Variants in AKAP14 observed in about 807,000 individuals in gnomAD.
The protein encoded by AKAP14 is A-kinase anchor protein 14.
A neutral mutation model predicts 17.0 loss-of-function variants in AKAP14; 4 were observed. That is an observed-to-expected ratio of 0.23 (90% CI 0.12 to 0.54). AKAP14 has a LOEUF of 0.54. AKAP14 is among the 20% of genes least tolerant of loss of function. The probability of loss-of-function intolerance (pLI) is 0.95; values close to 1 mark genes in which losing one functional copy is unlikely to be tolerated. For missense variants in AKAP14, 129 were observed against 150.9 expected (o/e 0.85, Z 0.76); for synonymous variants, 42 against 51.3 (o/e 0.82, Z 0.77).
In AKAP14 at chrX:119,914,869, C is replaced by G. The variant is rs767647574; in HGVS notation, c.432C>G (p.Thr144=). Residue 144 remains threonine, a synonymous_variant, in exon 5 of 7, where the codon ACC becomes ACG. Coordinates refer to ENST00000371431, the MANE Select transcript of AKAP14 (RefSeq NM_178813.6). ...ACTTCACCATGAAGGTCTCCAAAAC[C>G]AAACCACCGGTAAGTTCTTCTTTTT... ...GTYFTMKVSK[T]KPPDAPIVVS... 1.3e-5 allele frequency: 16 copies of G among 1,206,444 alleles called. 1 individual carries two copies. The South Asian group carries it at 2.8e-4, about 21-fold the overall frequency.
intron 4 of AKAP14, among the ~76,000 whole-genome samples, chrX:119,908,752 C>A (rs1461563704): frequency 2.7e-5 from 3 of 111,966 alleles, no homozygotes; most frequent in Non-Finnish European, 3.8e-5. Context: ...GTATATGAAG[C>A]AGTATCATGT....
At chrX:119,911,908 A>G (rs1368578156) in intron 4 of AKAP14, among the ~76,000 whole-genome samples, 2 of 105,999 alleles carry the variant, frequency 1.9e-5, no homozygotes, top group Admixed American at 1.0e-4. Flanking sequence ...TTGGCAGGCA[A>G]TGGGGGAGCT....
Position 119,920,660 on chromosome X carries a change from C to A in AKAP14, c.*53C>A. The A allele has an allele frequency of 1.1e-6, 1 of 878,260 alleles. No individual in the cohort carries two copies. The highest frequency in any genetic ancestry group is 1.6e-6 in the Non-Finnish European group (1 of 618,419). The allele number at this position is 878,260 out of a possible 1,213,427, so 72.4% of individuals were successfully genotyped here. Reference sequence around the variant, plus strand: ...TTCTCATCAGGATACATTAAAAATACAATACAGCACGTCAAACCACAGAAT... The same window carrying A: ...TTCTCATCAGGATACATTAAAAATAAAATACAGCACGTCAAACCACAGAAT... On this transcript the variant is annotated 3_prime_UTR_variant, in exon 7 of 7. Transcript: ENST00000371431.
chrX:119,898,400 C>G (rs2056543652), intron 2 of AKAP14, among the ~76,000 whole-genome samples: 1 of 112,442 alleles, frequency 8.9e-6, no homozygotes, highest in South Asian at 3.6e-4. Context: ...CAAAGGCTGT[C>G]CCAGTGGTTC....
At chrX:119,897,102 G>A (rs190134495) in intron 2 of AKAP14, among the ~76,000 whole-genome samples, 5 of 109,713 alleles carry the variant, frequency 4.6e-5, no homozygotes, top group African/African-American at 1.7e-4. Context: ...GAGCCACCGC[G>A]CCCGGCCCCA....
chrX:119,913,095 C>T (rs761810686), intron 4 of AKAP14, among the ~76,000 whole-genome samples: 1 of 104,071 alleles, frequency 9.6e-6, no homozygotes, highest in Admixed American at 1.1e-4. Context: ...CAAGGCCAGC[C>T]TGGACAACAT....
intron 4 of AKAP14, among the ~76,000 whole-genome samples, chrX:119,910,929 T>C (rs1228724630): frequency 9.2e-6 from 1 of 108,801 alleles, no homozygotes; most frequent in East Asian, 3.0e-4. Flanking sequence ...CCCAAAGTGC[T>C]GGGATTACAG....
At chrX:119,916,610 G>GC (rs1188386654) in intron 5 of AKAP14, among the ~76,000 whole-genome samples, 1 of 103,194 alleles carries the variant, frequency 9.7e-6, no homozygotes, top group African/African-American at 3.5e-5. Flanking sequence ...TCCTGCCTCA[G>GC]CCCCCCAAGT....
chrX:119,900,989 G>A (rs894688677), intron 2 of AKAP14, among the ~76,000 whole-genome samples: 4 of 112,435 alleles, frequency 3.6e-5, no homozygotes, highest in African/African-American at 1.3e-4. Context: ...CTGTGATGGA[G>A]CCATCTTTAC....
intron 6 of AKAP14, 132 bp from the exon 7 acceptor site, chrX:119,920,376 C>T (rs2056682255): frequency 2.1e-6 from 1 of 476,269 alleles, no homozygotes; most frequent in South Asian, 3.5e-5. Context: ...GCTACCTCCC[C>T]TCCCCCGCCA....
chrX:119,918,054 C>T (rs1191448679), intron 5 of AKAP14, among the ~76,000 whole-genome samples: 2 of 111,803 alleles, frequency 1.8e-5, no homozygotes, highest in South Asian at 7.5e-4. Context: ...TGCTTCTCCT[C>T]AAATAAGTCA....
intron 4 of AKAP14, 83 bp from the exon 5 acceptor site, chrX:119,914,616 C>T: frequency 1.0e-6 from 1 of 989,444 alleles, no homozygotes; most frequent in East Asian, 3.2e-5. Context: ...AGCCACTGCA[C>T]CCAGCCATGC....
At chrX:119,899,658 C>A (rs1456657145) in intron 2 of AKAP14, among the ~76,000 whole-genome samples, 1 of 111,334 alleles carries the variant, frequency 9.0e-6, no homozygotes, top group African/African-American at 3.3e-5. Flanking sequence ...TGTGTGGAAC[C>A]CCCTAGAAGC....
At chrX:119,896,427 A>C in intron 2 of AKAP14, among the ~76,000 whole-genome samples, 160 bp downstream of exon 2, 3 of 37,310 alleles carry the variant, frequency 8.0e-5, no homozygotes, top group East Asian at 1.2e-3. Context: ...AGGGGAGGGG[A>C]GGGGAGGGGA....
intron 2 of AKAP14, among the ~76,000 whole-genome samples, chrX:119,898,125 C>T (rs1329442557): frequency 2.7e-5 from 3 of 110,610 alleles, no homozygotes; most frequent in Non-Finnish European, 1.9e-5. Context: ...ATTGCGCCAC[C>T]GCACTCCAGC....
chrX:119,918,245 T>TTTTG (rs1569470471), intron 5 of AKAP14, among the ~76,000 whole-genome samples: 6 of 110,748 alleles, frequency 5.4e-5, no homozygotes, highest in East Asian at 2.8e-4. Context: ...GTTTTGTTTT[T>TTTTG]TTTTTAGATG....
rs184362118 is a variant in AKAP14, at chrX:119,920,367, C to G, written c.495-141C>G. On this transcript the variant is annotated intron_variant, in intron 6 of 6. Transcript: ENST00000371431. ...AAAGGATAGACATAGAGAACCTTAG[C>G]TACCTCCCCTCCCCCGCCAATAAAA... is the stretch of plus-strand genomic sequence containing the variant. The G allele has an allele frequency of 1.1e-5, 5 of 448,226 alleles. No homozygotes were observed. In the South Asian group the frequency reaches 1.5e-4, roughly 13 times the overall value. The allele number at this position is 448,226 out of a possible 1,213,427, so 36.9% of individuals were successfully genotyped here.
chrX:119,916,477 T>TATC (rs1230681201), intron 5 of AKAP14, among the ~76,000 whole-genome samples: 3 of 105,076 alleles, frequency 2.9e-5, no homozygotes, highest in Admixed American at 1.0e-4. Flanking sequence ...TCTATCTATC[T>TATC]ATCTATCATC....
intron 5 of AKAP14, 75 bp from the exon 6 acceptor site, chrX:119,919,836 A>G (rs967480137): frequency 3.9e-5 from 42 of 1,076,140 alleles, no homozygotes; most frequent in African/African-American, 5.5e-5. Flanking sequence ...ACAGAGCAAG[A>G]AGACTCCATC....
Sources: allele counts gnomAD v4.1 joint callset (sites outside exome capture counted in the v4.1 genomes callset), GRCh38; gene constraint gnomAD v4.1.1; transcripts MANE v1.5; gene names NCBI Gene and HGNC (gene_info 2026-07-23, HGNC 2026-07-21).